PLA2G4C: variants seen among roughly 807,000 people sequenced by gnomAD.
PLA2G4C encodes cytosolic phospholipase A2 gamma.
In PLA2G4C, 64 loss-of-function variants were observed where a neutral mutation model predicts 73.8. The observed-to-expected ratio is 0.87, with a 90% CI of 0.71 to 1.07. The LOEUF (loss-of-function observed/expected upper bound fraction) is 1.07, where lower values mean the gene tolerates loss of function less well. PLA2G4C is among the 50% of genes least tolerant of loss of function. The pLI, the probability that PLA2G4C is intolerant of heterozygous loss-of-function variation, is 0.00. For synonymous variants in PLA2G4C, 254 were observed against 252.1 expected (o/e 1.01, Z -0.07); for missense variants, 622 against 665.4 (o/e 0.93, Z 0.72).
chr19:48,077,669 C>A, intron 11 of PLA2G4C, 102 bp downstream of exon 11: 1 of 848,270 alleles, frequency 1.2e-6, no homozygotes. Flanking sequence ...AAAGGAGCAC[C>A]ACATGAATCA....
chr19:48,077,995 G>A (rs11564597), intron 10 of PLA2G4C, among the ~76,000 whole-genome samples, 171 bp from the exon 11 acceptor site: 3,113 of 152,140 alleles, frequency 0.02, 114 homozygotes, highest in African/African-American at 0.07. Context: ...CTCTGTGCTC[G>A]CTGACCTCAT....
chr19:48,061,678 G>A (rs1389081524), intron 14 of PLA2G4C: 2 of 318,450 alleles, frequency 6.3e-6, no homozygotes, highest in East Asian at 9.2e-5. Flanking sequence ...CCCGGGGAAG[G>A]AGGTGCACAG....
rs1276305876 is a variant in PLA2G4C, at chr19:48,067,823, C to G, written c.1070G>C (p.Trp357Ser). The G allele has an allele frequency of 4.3e-6, 7 of 1,612,592 alleles. No homozygotes were observed. Among genetic ancestry groups the G allele is most frequent in the Non-Finnish European group, 5.9e-6 (7 of 1,178,706 alleles). ...GTACAGGAAGTTGTGAGTGGTCCCC[C>G]ATTCCCACTTTGAAGCGCAAATGCC... ...KTGICASKWE[W>S]GTTHNFLYKH... Residue 357 changes from tryptophan (W) to serine (S), a missense_variant, in exon 13 of 17, where the codon TGG becomes TCG. Coordinates refer to ENST00000599921, the MANE Select transcript of PLA2G4C (RefSeq NM_003706.3).
intron 7 of PLA2G4C, among the ~76,000 whole-genome samples, chr19:48,091,482 T>C (rs373113): frequency 0.093 from 14,117 of 152,080 alleles, 1,384 homozygotes; most frequent in African/African-American, 0.25. Flanking sequence ...GTCACGGTGC[T>C]CAGTCTGTCT....
chr19:48,063,541 G>T (rs1055429881), intron 13 of PLA2G4C, among the ~76,000 whole-genome samples: 2 of 148,490 alleles, frequency 1.3e-5, no homozygotes, highest in Non-Finnish European at 3.0e-5. Flanking sequence ...AAAATAAAAT[G>T]ATAAGCCCCT....
At chr19:48,101,129 T>C (rs866548284) in intron 4 of PLA2G4C, among the ~76,000 whole-genome samples, 17 of 93,222 alleles carry the variant, frequency 1.8e-4, no homozygotes, top group Non-Finnish European at 2.7e-4. Context: ...TATATATATT[T>C]TTTTTTTTTT....
At chr19:48,073,729 A>G (rs913813903) in intron 12 of PLA2G4C, among the ~76,000 whole-genome samples, 3 of 152,038 alleles carry the variant, frequency 2.0e-5, no homozygotes, top group Non-Finnish European at 2.9e-5. Flanking sequence ...GAAGCTTCCA[A>G]TCATGATGGA....
intron 8 of PLA2G4C, chr19:48,090,143 C>A: frequency 1.9e-6 from 1 of 529,252 alleles, no homozygotes; most frequent in Non-Finnish European, 3.4e-6. Context: ...GGTCACAAAG[C>A]TTACATGTAC....
chr19:48,064,455 T>C (rs890316374), intron 13 of PLA2G4C, among the ~76,000 whole-genome samples: 4 of 150,614 alleles, frequency 2.7e-5, no homozygotes, highest in Non-Finnish European at 5.9e-5. Flanking sequence ...CCAAAAACCA[T>C]AATTACTATA....
At chr19:48,088,046 T>C (rs971627441) in intron 9 of PLA2G4C, among the ~76,000 whole-genome samples, 1 of 152,158 alleles carries the variant, frequency 6.6e-6, no homozygotes, top group African/African-American at 2.4e-5. Flanking sequence ...CTCACATGTT[T>C]TGGCCACAAT....
intron 13 of PLA2G4C, among the ~76,000 whole-genome samples, chr19:48,064,321 C>T (rs879580741): frequency 5.3e-5 from 8 of 151,056 alleles, no homozygotes; most frequent in East Asian, 3.9e-4. Flanking sequence ...CTCAGCTACT[C>T]GGGAGGCTGA....
At chr19:48,097,463 A>G (rs2031655950) in intron 6 of PLA2G4C, among the ~76,000 whole-genome samples, 2 of 151,632 alleles carry the variant, frequency 1.3e-5, no homozygotes, top group South Asian at 2.1e-4. Flanking sequence ...TGTGTTAGTC[A>G]GGATGGTCTT....
intron 4 of PLA2G4C, among the ~76,000 whole-genome samples, chr19:48,101,289 C>A (rs1186348114): frequency 1.3e-5 from 2 of 151,462 alleles, no homozygotes; most frequent in African/African-American, 4.9e-5. Flanking sequence ...CATCACCATG[C>A]CCTGCTCATT....
Position 48,099,852 on chromosome 19 carries a change from G to T in PLA2G4C, c.266C>A (p.Ser89Tyr). 1 of 1,611,510 alleles carries T rather than the reference G, an allele frequency of 6.2e-7. No homozygotes were observed. The highest frequency in any genetic ancestry group is 8.5e-7 in the Non-Finnish European group (1 of 1,178,018). Residue 89 changes from serine to tyrosine, a missense_variant, in exon 5 of 17, where the codon TCT becomes TAT. Ser to Tyr is a moderately radical substitution (Grantham distance 144). Transcript: ENST00000599921. ...GTCACCATCATTGGTGTAGAGAGAA[G>T]ATATTGCCCTGGAGGACAGAGGAAG... ...AGVSGSTWAI[S>Y]SLYTNDGDME...
chr19:48,050,210 A>G (rs11564656), intron 16 of PLA2G4C, among the ~76,000 whole-genome samples: 32,339 of 151,984 alleles, frequency 0.21, 3,900 homozygotes, highest in Non-Finnish European at 0.27. Flanking sequence ...GTGAACCACC[A>G]TGCCCGGCCT....
chr19:48,057,456 TTTC>T (rs1217131169), intron 14 of PLA2G4C, among the ~76,000 whole-genome samples: 5,682 of 57,220 alleles, frequency 0.099, 1,897 homozygotes, highest in East Asian at 0.19. Context: ...TCAACAAGTG[TTTC>T]TTCTTCTTCT....
intron 4 of PLA2G4C, 79 bp from the exon 5 acceptor site, chr19:48,099,939 G>T: frequency 4.3e-6 from 4 of 935,500 alleles, no homozygotes; most frequent in Non-Finnish European, 6.5e-6. Flanking sequence ...GTGCAAGGAG[G>T]TCCTTCACAG....
At chr19:48,090,001 C>T (rs985570006) in intron 8 of PLA2G4C, among the ~76,000 whole-genome samples, 4 of 152,138 alleles carry the variant, frequency 2.6e-5, no homozygotes, top group Admixed American at 6.5e-5. Flanking sequence ...TACTGAGTGC[C>T]GTTATCTACC....
intron 13 of PLA2G4C, among the ~76,000 whole-genome samples, chr19:48,063,076 G>A (rs576286270): frequency 7.9e-5 from 12 of 152,110 alleles, no homozygotes; most frequent in South Asian, 6.2e-4. Context: ...AAGGAGTCTC[G>A]TTCTGTTGCC....
Sources: allele counts gnomAD v4.1 joint callset (sites outside exome capture counted in the v4.1 genomes callset), GRCh38; gene constraint gnomAD v4.1.1; transcripts MANE v1.5; gene names NCBI Gene and HGNC (gene_info 2026-07-23, HGNC 2026-07-21).